The following CERS6 variants were observed in gnomAD, a reference collection of about 807,000 sequenced individuals.
CERS6 encodes LAG1 homolog, ceramide synthase 6.
CERS6 carries 26 observed loss-of-function variants against 56.8 expected under a neutral mutation model. That is an observed-to-expected ratio of 0.46 (90% CI 0.34 to 0.63). The LOEUF is 0.63. CERS6 is among the 30% of genes least tolerant of loss of function. The pLI is 0.01. For missense variants in CERS6, 415 were observed against 467.5 expected, an observed-to-expected ratio of 0.89 and a Z score of 1.04; for synonymous variants, 164 against 173.3, an observed-to-expected ratio of 0.95 and a Z score of 0.42.
chr2:168,674,851 A>G lies in CERS6; in HGVS notation c.466-16183A>G, dbSNP rs540442818. On this transcript the variant is annotated intron_variant, in intron 4 of 9. Transcript: ENST00000305747. ...TCAGGAACCCTTTACTCTTGTAACA[A>G]TTATACAGGATCTTAAATAGCTTTT... Among the ~76,000 whole-genome samples, 8 of 152,326 alleles carry G rather than the reference A, an allele frequency of 5.3e-5. No individual in the cohort carries two copies. In the South Asian group the frequency reaches 1.5e-3, roughly 28 times the overall value.
At chr2:168,750,487 C>G (rs935046570) in intron 8 of CERS6, among the ~76,000 whole-genome samples, 1 of 151,974 alleles carries the variant, frequency 6.6e-6, no homozygotes, top group Non-Finnish European at 1.5e-5. Context: ...TTTTTCTTTA[C>G]CAAAGTAAGA....
intron 8 of CERS6, among the ~76,000 whole-genome samples, chr2:168,725,470 A>C (rs1206296313): frequency 1.3e-5 from 2 of 152,248 alleles, no homozygotes; most frequent in Non-Finnish European, 1.5e-5. Flanking sequence ...TCACTAACAC[A>C]TCCTTAAATA....
intron 4 of CERS6, among the ~76,000 whole-genome samples, chr2:168,667,361 C>T (rs1175324894): frequency 6.6e-6 from 1 of 152,158 alleles, no homozygotes; most frequent in African/African-American, 2.4e-5. Flanking sequence ...AGAGAGGTTT[C>T]CTGTAGTGCT....
At chr2:168,542,922 C>T (rs1389255877) in intron 1 of CERS6, among the ~76,000 whole-genome samples, 1 of 152,190 alleles carries the variant, frequency 6.6e-6, no homozygotes, top group East Asian at 1.9e-4. Flanking sequence ...GTCTTGAACT[C>T]CTGGCCTCAT....
intron 6 of CERS6, among the ~76,000 whole-genome samples, chr2:168,710,915 T>G (rs1300311878): frequency 2.6e-5 from 4 of 152,208 alleles, no homozygotes; most frequent in African/African-American, 9.7e-5. Context: ...GCCACTGCAT[T>G]CTCAATGCTC....
At chr2:168,686,111 T>C (rs1346985081) in intron 4 of CERS6, among the ~76,000 whole-genome samples, 1 of 147,126 alleles carries the variant, frequency 6.8e-6, no homozygotes, top group Non-Finnish European at 1.5e-5. Context: ...CGGAAATTTC[T>C]CATCGTTCTG....
chr2:168,639,441 C>T (rs1405944339), intron 4 of CERS6, among the ~76,000 whole-genome samples: 5 of 152,152 alleles, frequency 3.3e-5, no homozygotes, highest in Non-Finnish European at 7.3e-5. Context: ...CTGAATTTAG[C>T]GAGGAAAGCA....
chr2:168,489,602 A>G (rs1228148072), intron 1 of CERS6, among the ~76,000 whole-genome samples: 1 of 150,940 alleles, frequency 6.6e-6, no homozygotes, highest in Non-Finnish European at 1.5e-5. Context: ...ATATTGGATC[A>G]TTTCACTGAC....
chr2:168,537,961 G>A (rs1319924129), intron 1 of CERS6, among the ~76,000 whole-genome samples: 1 of 152,070 alleles, frequency 6.6e-6, no homozygotes, highest in African/African-American at 2.4e-5. Flanking sequence ...TTCCTCTCTT[G>A]CCTCATCCCA....
intron 1 of CERS6, among the ~76,000 whole-genome samples, chr2:168,545,184 T>C (rs1025225396): frequency 6.6e-6 from 1 of 152,290 alleles, no homozygotes; most frequent in East Asian, 1.9e-4. Flanking sequence ...CATGTACATA[T>C]ATAATTATAA....
At chr2:168,550,526 G>A (rs72875973) in intron 2 of CERS6, among the ~76,000 whole-genome samples, 2 of 152,118 alleles carry the variant, frequency 1.3e-5, no homozygotes, top group African/African-American at 4.8e-5. Context: ...AATGGCATGG[G>A]GAGACTCTTG....
chr2:168,610,967 C>G (rs976018096), intron 3 of CERS6, among the ~76,000 whole-genome samples: 1 of 152,144 alleles, frequency 6.6e-6, no homozygotes, highest in Non-Finnish European at 1.5e-5. Flanking sequence ...ACCACCATAC[C>G]TGGCTAATTT....
intron 4 of CERS6, among the ~76,000 whole-genome samples, chr2:168,653,269 C>A (rs558017390): frequency 6.6e-6 from 1 of 152,344 alleles, no homozygotes; most frequent in East Asian, 1.9e-4. Flanking sequence ...TAAACTCAGG[C>A]TGCACCCCAG....
At chr2:168,656,757 T>C (rs1685483132) in intron 4 of CERS6, among the ~76,000 whole-genome samples, 1 of 152,168 alleles carries the variant, frequency 6.6e-6, no homozygotes, top group Non-Finnish European at 1.5e-5. Context: ...GGGTTGCCAC[T>C]GCTGGCTCGG....
At chr2:168,519,564 C>G (rs1053929007) in intron 1 of CERS6, among the ~76,000 whole-genome samples, 1 of 152,108 alleles carries the variant, frequency 6.6e-6, no homozygotes, top group African/African-American at 2.4e-5. Flanking sequence ...TTATGGTTCC[C>G]GTCTTTGTGT....
chr2:168,604,098 A>G lies in CERS6; in HGVS notation c.408-26887A>G, dbSNP rs146209846. Among the ~76,000 whole-genome samples, 41 of 152,378 alleles carry G rather than the reference A, an allele frequency of 2.7e-4. No homozygotes were observed. In the East Asian group the frequency reaches 7.1e-3, roughly 27 times the overall value. On this transcript the variant is annotated intron_variant, in intron 3 of 9. Transcript: ENST00000305747. ...AATGTGTTTGAGGGAGTCATTCTCAATCTGTCAGAGAAGACAAAACAAAGA... is the reference window on the plus strand; with the variant it reads ...AATGTGTTTGAGGGAGTCATTCTCAGTCTGTCAGAGAAGACAAAACAAAGA...
chr2:168,499,030 C>T (rs572327389), intron 1 of CERS6, among the ~76,000 whole-genome samples: 1 of 152,238 alleles, frequency 6.6e-6, no homozygotes, highest in South Asian at 2.1e-4. Flanking sequence ...CTTAGGTTTA[C>T]ATTCTCCCCC....
intron 7 of CERS6, among the ~76,000 whole-genome samples, chr2:168,715,583 A>C (rs1189339659): frequency 1.3e-5 from 2 of 152,144 alleles, no homozygotes; most frequent in Non-Finnish European, 2.9e-5. Context: ...AGGGCATATG[A>C]ATTGCAAATT....
chr2:168,672,306 G>C (rs1226641254), intron 4 of CERS6, among the ~76,000 whole-genome samples: 1 of 152,186 alleles, frequency 6.6e-6, no homozygotes, highest in Non-Finnish European at 1.5e-5. Context: ...GCACAGGCAG[G>C]TTCTGAAAAG....
Sources: gnomAD v4.1 joint callset for allele counts (sites outside exome capture counted in the v4.1 genomes callset) on GRCh38, gnomAD v4.1.1 for gene constraint, MANE v1.5 for transcripts, NCBI Gene and HGNC (gene_info 2026-07-23, HGNC 2026-07-21) for gene names.